Variants in CDH10 observed in about 807,000 individuals in gnomAD.
CDH10 encodes cadherin 10, also known as cadherin-10.
Under a neutral mutation model 73.1 loss-of-function variants are expected in CDH10, and 30 were observed. That is an observed-to-expected ratio of 0.41 (90% CI 0.31 to 0.56). The LOEUF (loss-of-function observed/expected upper bound fraction) is 0.56. CDH10 is among the 20% of genes least tolerant of loss of function. CDH10 has a pLI of 0.27. For synonymous variants in CDH10, 345 were observed against 348.2 expected, an observed-to-expected ratio of 0.99 and a Z score of 0.10; for missense variants, 815 against 973.7, an observed-to-expected ratio of 0.84 and a Z score of 2.17.
chr5:24,552,727 C>G (rs776333601), intron 2 of CDH10, among the ~76,000 whole-genome samples: 2 of 151,942 alleles, frequency 1.3e-5, no homozygotes, highest in Non-Finnish European at 2.9e-5. Flanking sequence ...TTATTTCCTT[C>G]TTTCCTCATA....
In CDH10 at chr5:24,623,426, T is replaced by A. The variant is rs188971486; in HGVS notation, c.-124+21168A>T. Reference sequence around the variant, plus strand: ...AATGTGTAAACCGCATAACAAATTTTAAAAGAGAACTGTCATTGTAATGTG... The same window carrying A: ...AATGTGTAAACCGCATAACAAATTTAAAAAGAGAACTGTCATTGTAATGTG... On this transcript the variant is annotated intron_variant, in intron 1 of 11. Transcript: ENST00000264463. Among the ~76,000 whole-genome samples, 1,268 of 152,306 alleles carry A rather than the reference T, an allele frequency of 8.3e-3. 10 individuals are homozygous for A. Among genetic ancestry groups the A allele is most frequent in the Non-Finnish European group, 0.013 (918 of 68,030 alleles).
intron 11 of CDH10, among the ~76,000 whole-genome samples, chr5:24,491,334 C>T (rs1742045341): frequency 6.6e-6 from 1 of 151,692 alleles, no homozygotes; most frequent in African/African-American, 2.4e-5. Flanking sequence ...TTTTGATTCA[C>T]ACTGGAATGA....
intron 1 of CDH10, among the ~76,000 whole-genome samples, chr5:24,638,936 G>T: frequency 6.6e-6 from 1 of 151,562 alleles, no homozygotes; most frequent in East Asian, 1.9e-4. Flanking sequence ...TCATGTTTTT[G>T]ATCTTATTAG....
At chr5:24,632,400 A>G (rs1388150748) in intron 1 of CDH10, among the ~76,000 whole-genome samples, 1 of 152,016 alleles carries the variant, frequency 6.6e-6, no homozygotes, top group Admixed American at 6.6e-5. Context: ...TATTCATTTG[A>G]AATAATACCT....
chr5:24,551,442 T>C (rs1744541428), intron 2 of CDH10, among the ~76,000 whole-genome samples: 1 of 152,168 alleles, frequency 6.6e-6, no homozygotes, highest in Admixed American at 6.6e-5. Flanking sequence ...CAGTTCATTT[T>C]GTACTAGAGA....
intron 1 of CDH10, among the ~76,000 whole-genome samples, chr5:24,614,411 T>G (rs879845294): frequency 2.0e-5 from 3 of 152,202 alleles, no homozygotes; most frequent in Non-Finnish European, 4.4e-5. Context: ...TGCTCCCTCC[T>G]GATCCAATGT....
chr5:24,552,638 C>G (rs180962689), intron 2 of CDH10, among the ~76,000 whole-genome samples: 121 of 152,164 alleles, frequency 8.0e-4, no homozygotes, highest in African/African-American at 2.8e-3. Flanking sequence ...CTCTATAATA[C>G]ATAGAACTGA....
At chr5:24,606,632 CA>C (rs1300766047) in intron 1 of CDH10, among the ~76,000 whole-genome samples, 1 of 150,980 alleles carries the variant, frequency 6.6e-6, no homozygotes, top group African/African-American at 2.4e-5. Flanking sequence ...AACAAACAAA[CA>C]AAAAAAAGAT....
rs1744492520 is a variant in CDH10, at chr5:24,550,130, T to C, written c.232-12456A>G. On this transcript the variant is annotated intron_variant, in intron 2 of 11. Coordinates refer to ENST00000264463, the MANE Select transcript of CDH10 (RefSeq NM_006727.5). ...TGCTGAATATACAAAACAATAATAG[T>C]CATGTCTTTGGATATAGAAATAAAG... Among the ~76,000 whole-genome samples, 6 of 152,198 alleles carry C rather than the reference T, an allele frequency of 3.9e-5. No homozygotes were observed. The South Asian group carries it at 1.2e-3, about 32-fold the overall frequency.
chr5:24,499,547 T>C (rs1742414323), intron 8 of CDH10: 3 of 151,724 alleles, frequency 2.0e-5, no homozygotes, highest in Admixed American at 1.3e-4. Flanking sequence ...AATAGCCAGG[T>C]GTTGTGGCAA....
intron 2 of CDH10, among the ~76,000 whole-genome samples, chr5:24,552,862 G>A (rs964121042): frequency 6.6e-6 from 1 of 151,824 alleles, no homozygotes; most frequent in African/African-American, 2.4e-5. Flanking sequence ...GTTTCATCTT[G>A]TTGGAGATAA....
chr5:24,548,872 T>C lies in CDH10; in HGVS notation c.232-11198A>G, dbSNP rs578143217. Reference sequence around the variant, plus strand: ...TAATATACAAGAATAAAAGTAGAGATAGAGAGAAACCATATTTGAATAACA... The same window carrying C: ...TAATATACAAGAATAAAAGTAGAGACAGAGAGAAACCATATTTGAATAACA... On this transcript the variant is annotated intron_variant, in intron 2 of 11. Coordinates refer to ENST00000264463, the MANE Select transcript of CDH10 (RefSeq NM_006727.5). 3.3e-5 allele frequency among the ~76,000 whole-genome samples: 5 copies of C among 152,050 alleles called. No homozygotes were observed. In the South Asian group the frequency reaches 1.0e-3, roughly 32 times the overall value.
intron 1 of CDH10, among the ~76,000 whole-genome samples, chr5:24,630,245 A>G (rs577973797): frequency 5.3e-5 from 8 of 152,146 alleles, no homozygotes; most frequent in Non-Finnish European, 8.8e-5. Context: ...TGGCTGGAGA[A>G]CTCAGGGAAT....
At chr5:24,634,923 T>C (rs1217743527) in intron 1 of CDH10, among the ~76,000 whole-genome samples, 1 of 151,684 alleles carries the variant, frequency 6.6e-6, no homozygotes, top group African/African-American at 2.4e-5. Flanking sequence ...ATGACCTCAA[T>C]GTATGTTTTC....
chr5:24,615,180 A>G (rs1410511618), intron 1 of CDH10, among the ~76,000 whole-genome samples: 2 of 152,066 alleles, frequency 1.3e-5, no homozygotes, highest in African/African-American at 4.8e-5. Context: ...GCCTCCATTC[A>G]TTTTTACCAA....
chr5:24,635,497 A>C (rs1176363896), intron 1 of CDH10, among the ~76,000 whole-genome samples: 3 of 151,632 alleles, frequency 2.0e-5, no homozygotes, highest in Non-Finnish European at 4.4e-5. Flanking sequence ...TCCCTACTTC[A>C]TGCAATGCCT....
At chr5:24,492,291 G>A (rs1742085344) in intron 10 of CDH10, among the ~76,000 whole-genome samples, 2 of 152,342 alleles carry the variant, frequency 1.3e-5, no homozygotes, top group African/African-American at 4.8e-5. Context: ...ACGCATTGTT[G>A]CATGTTTTAA....
chr5:24,493,064 A>G (rs926803348), intron 9 of CDH10, 139 bp from the exon 10 acceptor site: 15 of 527,626 alleles, frequency 2.8e-5, no homozygotes, highest in Non-Finnish European at 3.4e-5. Context: ...GAGTTAATCC[A>G]TCTTTTTAGT....
chr5:24,529,318 T>C (rs1743641452), intron 5 of CDH10, among the ~76,000 whole-genome samples: 1 of 152,012 alleles, frequency 6.6e-6, no homozygotes, highest in African/African-American at 2.4e-5. Flanking sequence ...TTGGTTGTAG[T>C]TGTGTATAAT....
Sources: gnomAD v4.1 joint callset for allele counts (sites outside exome capture counted in the v4.1 genomes callset) on GRCh38, gnomAD v4.1.1 for gene constraint, MANE v1.5 for transcripts, NCBI Gene and HGNC (gene_info 2026-07-23, HGNC 2026-07-21) for gene names.